The following KCNJ15 variants were observed in gnomAD, a reference collection of about 807,000 sequenced individuals.
The protein encoded by KCNJ15 is potassium inwardly rectifying channel subfamily J member 15, also known as ATP-sensitive inward rectifier potassium channel 15.
A neutral mutation model predicts 23.0 loss-of-function variants in KCNJ15; 14 were observed. That is an observed-to-expected ratio of 0.61 (90% CI 0.40 to 0.95). KCNJ15 has a LOEUF of 0.95. Among genes scored for constraint, KCNJ15 ranks in the 40% least tolerant of loss-of-function variants. KCNJ15 has a pLI of 0.00. For missense variants in KCNJ15, 388 were observed against 461.8 expected (o/e 0.84, Z 1.46); for synonymous variants, 185 against 183.2 (o/e 1.01, Z -0.08).
At chr21:38,274,032 A>G (rs191689358) in intron 1 of KCNJ15, among the ~76,000 whole-genome samples, 6 of 152,188 alleles carry the variant, frequency 3.9e-5, no homozygotes, top group Middle Eastern at 3.2e-3. Flanking sequence ...TCAAATGTTT[A>G]TGTTTCTAAT....
At chr21:38,269,610 A>T (rs1310180815) in intron 1 of KCNJ15, among the ~76,000 whole-genome samples, 2 of 152,192 alleles carry the variant, frequency 1.3e-5, no homozygotes, top group African/African-American at 4.8e-5. Context: ...CTTGCTCTGG[A>T]ATTTGGGTGG....
intron 1 of KCNJ15, among the ~76,000 whole-genome samples, chr21:38,277,673 T>G (rs2836270): frequency 0.68 from 102,584 of 151,964 alleles, 35,027 homozygotes; most frequent in Non-Finnish European, 0.73. Context: ...AAAAGGAAGT[T>G]CTTCTTAACT....
Position 38,300,535 on chromosome 21 carries a change from T to C in KCNJ15, c.*146T>C, listed in dbSNP as rs1300065012. ...ATACAAAATCAATCTTTTCCTTTGATCTTGTGGCTAAACCAGCATTTCTGT... is the reference window on the plus strand; with the variant it reads ...ATACAAAATCAATCTTTTCCTTTGACCTTGTGGCTAAACCAGCATTTCTGT... On this transcript the variant is annotated 3_prime_UTR_variant, in exon 3 of 3. Transcript: ENST00000398938. The C allele has an allele frequency of 3.0e-6, 2 of 666,926 alleles. No individual in the cohort carries two copies. The highest frequency in any genetic ancestry group is 5.0e-6 in the Non-Finnish European group (2 of 396,174). 41.3% of individuals were successfully genotyped at this position (666,926 alleles called of 1,614,324 possible).
At chr21:38,277,027 T>TTTTG (rs1555884049) in intron 1 of KCNJ15, among the ~76,000 whole-genome samples, 1 of 149,842 alleles carries the variant, frequency 6.7e-6, no homozygotes, top group Admixed American at 6.7e-5. Context: ...GATTAAAAAA[T>TTTTG]TGTGTGTGTG....
chr21:38,288,026 C>CTCTTTTTTTT (rs1984109386), intron 1 of KCNJ15, among the ~76,000 whole-genome samples: 3 of 78,170 alleles, frequency 3.8e-5, no homozygotes. Flanking sequence ...TTGTTTTTTT[C>CTCTTTTTTTT]TTTGTTTTTT....
intron 1 of KCNJ15, among the ~76,000 whole-genome samples, chr21:38,279,009 C>G (rs943365777): frequency 3.9e-5 from 6 of 152,102 alleles, no homozygotes; most frequent in African/African-American, 1.4e-4. Context: ...TGCTGTCATG[C>G]AAGAAATAAA....
chr21:38,288,030 G>GTTTTTTTTTTTTTTTTTTTTTTT (rs71184612), intron 1 of KCNJ15, among the ~76,000 whole-genome samples: 11 of 81,450 alleles, frequency 1.4e-4, no homozygotes, highest in South Asian at 5.0e-4. Flanking sequence ...TTTTTTCTTT[G>GTTTTTTTTTTTTTTTTTTTTTTT]TTTTTTTTTT....
At chr21:38,291,204 A>G (rs539901007) in intron 1 of KCNJ15, among the ~76,000 whole-genome samples, 1 of 152,288 alleles carries the variant, frequency 6.6e-6, no homozygotes, top group South Asian at 2.1e-4. Context: ...CTTTATGTGT[A>G]TGGAACACCT....
At chr21:38,285,188 T>C (rs1395256342) in intron 1 of KCNJ15, among the ~76,000 whole-genome samples, 1 of 152,228 alleles carries the variant, frequency 6.6e-6, no homozygotes, top group Non-Finnish European at 1.5e-5. Flanking sequence ...TGTGAAAACT[T>C]TATATGAACC....
At chr21:38,276,669 A>G (rs1057350378) in intron 1 of KCNJ15, among the ~76,000 whole-genome samples, 2 of 152,220 alleles carry the variant, frequency 1.3e-5, no homozygotes, top group Non-Finnish European at 2.9e-5. Context: ...AAGTTTATCA[A>G]TGTGACAAAC....
chr21:38,251,334 CAAT>C (rs772952000), intron 1 of KCNJ15, among the ~76,000 whole-genome samples: 8 of 152,124 alleles, frequency 5.3e-5, no homozygotes, highest in African/African-American at 7.2e-5. Flanking sequence ...GTTGCACCAA[CAAT>C]AAAGGAATAA....
At chr21:38,276,696 T>C (rs1982736923) in intron 1 of KCNJ15, among the ~76,000 whole-genome samples, 1 of 152,194 alleles carries the variant, frequency 6.6e-6, no homozygotes, top group Non-Finnish European at 1.5e-5. Context: ...ACCCTTTTTT[T>C]GGTACCCCGA....
intron 1 of KCNJ15, among the ~76,000 whole-genome samples, chr21:38,271,548 C>T (rs1009777410): frequency 1.3e-5 from 2 of 152,200 alleles, no homozygotes; most frequent in Admixed American, 6.5e-5. Context: ...TCCTGCTTTT[C>T]CTAAGCAGTT....
chr21:38,270,751 C>A (rs1981988806), intron 1 of KCNJ15, among the ~76,000 whole-genome samples: 1 of 152,148 alleles, frequency 6.6e-6, no homozygotes, highest in Admixed American at 6.5e-5. Context: ...AAAAAAAAAT[C>A]AGCAAATTTG....
upstream of KCNJ15, among the ~76,000 whole-genome samples, chr21:38,253,954 G>A (rs1980016744): frequency 6.6e-6 from 1 of 152,126 alleles, no homozygotes; most frequent in Non-Finnish European, 1.5e-5. Flanking sequence ...TAAAAGGTCA[G>A]TAAAATTAAC....
chr21:38,279,412 G>A (rs1983091376), intron 1 of KCNJ15, among the ~76,000 whole-genome samples: 1 of 152,132 alleles, frequency 6.6e-6, no homozygotes, highest in Admixed American at 6.5e-5. Context: ...TTGGAGCATG[G>A]AGCCTTGGAG....
chr21:38,238,145 T>C, intron 1 of KCNJ15: 1 of 386,408 alleles, frequency 2.6e-6, no homozygotes, highest in African/African-American at 2.1e-5. Flanking sequence ...TGGCCACAAG[T>C]TCTACACGGC....
intron 1 of KCNJ15, among the ~76,000 whole-genome samples, chr21:38,257,396 A>G (rs1980363004): frequency 6.6e-6 from 1 of 152,192 alleles, no homozygotes; most frequent in Non-Finnish European, 1.5e-5. Flanking sequence ...GACAAAAAAA[A>G]GTGTTTTATT....
intron 1 of KCNJ15, among the ~76,000 whole-genome samples, chr21:38,280,155 C>G (rs1050075739): frequency 2.6e-5 from 4 of 152,180 alleles, no homozygotes; most frequent in Non-Finnish European, 5.9e-5. Flanking sequence ...GGACTAGTTT[C>G]AGAGGAAGCA....
Sources: gnomAD v4.1 joint callset for allele counts (sites outside exome capture counted in the v4.1 genomes callset) on GRCh38, gnomAD v4.1.1 for gene constraint, MANE v1.5 for transcripts, NCBI Gene and HGNC (gene_info 2026-07-23, HGNC 2026-07-21) for gene names.